The following USP34 variants were observed in gnomAD, a reference collection of about 807,000 sequenced individuals.
USP34 encodes the protein ubiquitin carboxyl-terminal hydrolase 34.
USP34 carries 70 observed loss-of-function variants against 460.3 expected under a neutral mutation model. That is an observed-to-expected ratio of 0.15 (90% CI 0.13 to 0.19). The LOEUF (loss-of-function observed/expected upper bound fraction) is 0.19. Among genes scored for constraint, USP34 ranks in the 10% least tolerant of loss-of-function variants. USP34 has a pLI of 1.00. For synonymous variants in USP34, 1,647 were observed against 1,405.3 expected (o/e 1.17, Z -3.85); for missense variants, 3,985 against 4,236.2 (o/e 0.94, Z 1.65).
At chr2:61,349,408 T>A in intron 12 of USP34, 123 bp from the exon 13 acceptor site, 1 of 934,884 alleles carries the variant, frequency 1.1e-6, no homozygotes, top group Non-Finnish European at 1.6e-6. Context: ...GCAATAAGGT[T>A]AAGTCCCCAC....
intron 2 of USP34, among the ~76,000 whole-genome samples, chr2:61,411,331 A>G (rs187139839): frequency 9.2e-4 from 139 of 151,624 alleles, no homozygotes; most frequent in Non-Finnish European, 1.7e-3. Context: ...GCAGTGAGCT[A>G]GACTATGCCA....
chr2:61,462,567 C>CA (rs1349969048), intron 1 of USP34, among the ~76,000 whole-genome samples: 17 of 146,138 alleles, frequency 1.2e-4, no homozygotes, highest in Non-Finnish European at 1.8e-4. Flanking sequence ...AAAAAAAAAT[C>CA]AATTCAGGAG....
chr2:61,424,707 C>T (rs1039548556), intron 1 of USP34, among the ~76,000 whole-genome samples: 3 of 151,978 alleles, frequency 2.0e-5, no homozygotes, highest in Non-Finnish European at 4.4e-5. Context: ...GAGACCCCCT[C>T]TCTATTTAAG....
At chr2:61,380,057 T>A (rs560234338) in intron 7 of USP34, 112 bp downstream of exon 7, 1 of 849,618 alleles carries the variant, frequency 1.2e-6, no homozygotes, top group African/African-American at 1.7e-5. Context: ...GTAATCCACA[T>A]AAAATACTTA....
At position 61,295,323 on chromosome 2, in the gene USP34, C is replaced by A. The variant is rs764834487; in HGVS notation, c.4255-33G>T. ...TAGAAAAACATGTTTCTCAAGCCAA[C>A]TTACTCAGGGAACACAAAAAAGAAA... is the stretch of plus-strand genomic sequence containing the variant. On this transcript the variant is annotated intron_variant, in intron 30 of 79. Coordinates refer to ENST00000398571, the MANE Select transcript of USP34 (RefSeq NM_014709.4). The A allele has an allele frequency of 7.0e-5, 110 of 1,564,700 alleles. No homozygotes were observed. In the East Asian group the frequency reaches 2.5e-3, roughly 35 times the overall value.
intron 5 of USP34, among the ~76,000 whole-genome samples, chr2:61,391,418 T>C (rs150689758): frequency 2.0e-4 from 30 of 152,328 alleles, no homozygotes; most frequent in African/African-American, 7.2e-4. Context: ...TGTTCTCTTC[T>C]GAATGTGTGA....
At chr2:61,329,405 G>GA (rs1275047463) in intron 20 of USP34, among the ~76,000 whole-genome samples, 9 of 151,714 alleles carry the variant, frequency 5.9e-5, no homozygotes, top group African/African-American at 2.2e-4. Context: ...GCTTCAATAG[G>GA]AAAAAAGAAG....
intron 10 of USP34, among the ~76,000 whole-genome samples, chr2:61,358,431 T>G (rs1026647645): frequency 2.0e-5 from 3 of 152,024 alleles, no homozygotes; most frequent in Non-Finnish European, 4.4e-5. Flanking sequence ...ACCTGGAAGA[T>G]TCCTTTCATG....
intron 1 of USP34, among the ~76,000 whole-genome samples, chr2:61,466,126 C>T (rs1282473590): frequency 6.6e-6 from 1 of 151,858 alleles, no homozygotes; most frequent in Non-Finnish European, 1.5e-5. Flanking sequence ...CTACGGTTAA[C>T]AATAATATAT....
chr2:61,301,291 C>A (rs369307308), intron 28 of USP34, 63 bp downstream of exon 28: 3 of 1,548,818 alleles, frequency 1.9e-6, no homozygotes, highest in Middle Eastern at 1.7e-4. Context: ...ACTACATCTG[C>A]GACTATTCAA....
At chr2:61,318,861 A>G (rs1690829141) in intron 22 of USP34, among the ~76,000 whole-genome samples, 1 of 152,214 alleles carries the variant, frequency 6.6e-6, no homozygotes, top group Admixed American at 6.5e-5. Context: ...TTGGACTACA[A>G]TATTACTGAT....
At chr2:61,227,012 G>A in intron 62 of USP34, 55 bp downstream of exon 62, 1 of 1,533,212 alleles carries the variant, frequency 6.5e-7, no homozygotes, top group Non-Finnish European at 8.7e-7. Context: ...AAACAATTAT[G>A]TAAAAATAAT....
intron 5 of USP34, among the ~76,000 whole-genome samples, chr2:61,391,179 C>T (rs1693334445): frequency 6.6e-6 from 1 of 152,078 alleles, no homozygotes; most frequent in African/African-American, 2.4e-5. Flanking sequence ...GGTGCAATGG[C>T]ACACACCTGT....
chr2:61,447,720 A>G (rs1198554347), intron 1 of USP34, among the ~76,000 whole-genome samples: 2 of 151,898 alleles, frequency 1.3e-5, no homozygotes, highest in African/African-American at 4.8e-5. Context: ...TTTTTCTTTT[A>G]TTTATTTATT....
intron 5 of USP34, among the ~76,000 whole-genome samples, chr2:61,387,912 T>C (rs551516545): frequency 1.6e-3 from 234 of 146,852 alleles, no homozygotes; most frequent in African/African-American, 3.7e-3. Context: ...TATAAGCATA[T>C]GTAAAAATAT....
Position 61,203,243 on chromosome 2 carries a change from A to G in USP34, c.9405T>C (p.Asp3135=). The G allele has an allele frequency of 6.4e-7, 1 of 1,571,950 alleles. No homozygotes were observed. The highest frequency in any genetic ancestry group is 8.6e-7 in the Non-Finnish European group (1 of 1,158,378). ...AAAAGAAGTAGTCTAGCAGCATACG[A>G]TCATAAACGTCATCTTTGCCCTGAA... ...ETSKGKDDVY[D]RMLLDYFFSY... is the part of the protein sequence containing the mutation. Residue 3135 remains aspartate (D), a synonymous_variant, in exon 75 of 80, where the codon GAT becomes GAC. Coordinates refer to ENST00000398571, the MANE Select transcript of USP34 (RefSeq NM_014709.4).
chr2:61,420,617 T>C (rs866211724), intron 2 of USP34, 129 bp downstream of exon 2: 1 of 500,886 alleles, frequency 2.0e-6, no homozygotes, highest in Admixed American at 3.9e-5. Context: ...TTAATAAATA[T>C]TGACAAACTG....
chr2:61,426,467 T>C (rs1471668679), intron 1 of USP34, among the ~76,000 whole-genome samples: 1 of 152,096 alleles, frequency 6.6e-6, no homozygotes, highest in Non-Finnish European at 1.5e-5. Flanking sequence ...CAGTACCCCT[T>C]GTGGCCTGGG....
intron 75 of USP34, among the ~76,000 whole-genome samples, chr2:61,197,177 G>A (rs1053426904): frequency 6.6e-6 from 1 of 152,136 alleles, no homozygotes; most frequent in African/African-American, 2.4e-5. Context: ...GGCTGAGGCA[G>A]GAGAAATCAC....
Sources: allele counts gnomAD v4.1 joint callset (sites outside exome capture counted in the v4.1 genomes callset), GRCh38; gene constraint gnomAD v4.1.1; transcripts MANE v1.5; gene names NCBI Gene and HGNC (gene_info 2026-07-23, HGNC 2026-07-21).